Variants in NMNAT3 observed in about 807,000 individuals in gnomAD.
NMNAT3 encodes the protein nicotinamide nucleotide adenylyltransferase 3.
A neutral mutation model predicts 24.8 loss-of-function variants in NMNAT3; 21 were observed. The ratio of observed to expected loss-of-function variants is 0.85; its 90% CI spans 0.60 to 1.22. NMNAT3 has a LOEUF of 1.22. Ranked by LOEUF, NMNAT3 falls within the 50% of genes most tolerant of loss-of-function variation. NMNAT3 has a pLI of 0.00. For synonymous variants in NMNAT3, 136 were observed against 155.2 expected (o/e 0.88, Z 0.92); for missense variants, 387 against 436.6 (o/e 0.89, Z 1.01).
intron 1 of NMNAT3, among the ~76,000 whole-genome samples, chr3:139,676,817 C>G (rs2057943415): frequency 6.6e-6 from 1 of 152,170 alleles, no homozygotes; most frequent in Non-Finnish European, 1.5e-5. Flanking sequence ...AAACAGGACT[C>G]AAGGAGAGGG....
Position 139,560,874 on chromosome 3 carries a change from C to T in NMNAT3, c.*136G>A, listed in dbSNP as rs142603638. 4.5e-3 allele frequency: 3,863 copies of T among 857,474 alleles called. 20 individuals are homozygous for T. The highest frequency in any genetic ancestry group is 0.014 in the African/African-American group (816 of 59,514). The allele number at this position is 857,474 out of a possible 1,614,324, so 53.1% of individuals were successfully genotyped here. A position where few individuals can be genotyped will look rare whatever the true frequency, so the allele number is the denominator to read the frequency against. On this transcript the variant is annotated 3_prime_UTR_variant, in exon 7 of 7. Transcript: ENST00000643695. Reference sequence around the variant, plus strand: ...TATCTCTTCCTGGGACAGAAGACTCCTCAGAAGTAGAATCACTGTAGAAAT... The same window carrying T: ...TATCTCTTCCTGGGACAGAAGACTCTTCAGAAGTAGAATCACTGTAGAAAT...
intron 1 of NMNAT3, among the ~76,000 whole-genome samples, chr3:139,676,847 G>A (rs1263956089): frequency 6.6e-6 from 1 of 152,200 alleles, no homozygotes; most frequent in Non-Finnish European, 1.5e-5. Context: ...TTGCTGAGAG[G>A]CAGGCACACT....
chr3:139,650,135 C>G (rs2057008369), intron 1 of NMNAT3, among the ~76,000 whole-genome samples: 1 of 152,184 alleles, frequency 6.6e-6, no homozygotes, highest in African/African-American at 2.4e-5. Context: ...AGCGATGGCT[C>G]TTACTGCAAT....
intron 4 of NMNAT3, among the ~76,000 whole-genome samples, chr3:139,579,457 A>G (rs953263812): frequency 1.3e-5 from 2 of 152,200 alleles, no homozygotes; most frequent in Non-Finnish European, 2.9e-5. Context: ...TGAAAATTAT[A>G]TATAGTTTCT....
chr3:139,617,503 G>A (rs2055562853), intron 3 of NMNAT3, among the ~76,000 whole-genome samples: 1 of 152,182 alleles, frequency 6.6e-6, no homozygotes, highest in South Asian at 2.1e-4. Context: ...TACCCACCTG[G>A]TAGGGCTGTT....
intron 3 of NMNAT3, among the ~76,000 whole-genome samples, chr3:139,615,474 CCCAT>C (rs1464327824): frequency 1.1e-5 from 1 of 91,384 alleles, no homozygotes. Context: ...CATCCACCCA[CCCAT>C]CCATCCATTT....
At chr3:139,660,140 C>A (rs2057369063) in intron 1 of NMNAT3, among the ~76,000 whole-genome samples, 1 of 152,172 alleles carries the variant, frequency 6.6e-6, no homozygotes, top group South Asian at 2.1e-4. Flanking sequence ...GGTCCAGCTC[C>A]TGGGAAGCCC....
chr3:139,633,328 G>A (rs115814956), intron 2 of NMNAT3, among the ~76,000 whole-genome samples: 148 of 152,116 alleles, frequency 9.7e-4, no homozygotes, highest in African/African-American at 3.0e-3. Context: ...TTACAGGCAC[G>A]TCCCACTGTG....
intron 3 of NMNAT3, among the ~76,000 whole-genome samples, chr3:139,583,818 G>C (rs1358755338): frequency 6.6e-6 from 1 of 152,234 alleles, no homozygotes; most frequent in Non-Finnish European, 1.5e-5. Context: ...ACAGCTCCAC[G>C]CGTCTCCAGC....
At chr3:139,603,651 G>A (rs1301133261) in intron 3 of NMNAT3, among the ~76,000 whole-genome samples, 7 of 151,796 alleles carry the variant, frequency 4.6e-5, no homozygotes, top group Non-Finnish European at 1.0e-4. Context: ...CGGTCACTAT[G>A]ACCAACACCA....
intron 3 of NMNAT3, among the ~76,000 whole-genome samples, chr3:139,612,789 T>C (rs1576645593): frequency 2.6e-5 from 4 of 152,080 alleles, no homozygotes; most frequent in Admixed American, 2.0e-4. Flanking sequence ...AACAGAGATA[T>C]AGACCAATGG....
chr3:139,615,907 G>C (rs1299162682), intron 3 of NMNAT3, among the ~76,000 whole-genome samples: 2 of 152,088 alleles, frequency 1.3e-5, no homozygotes, highest in Non-Finnish European at 2.9e-5. Flanking sequence ...CTCCCTTCTG[G>C]ACAGGGCATG....
intron 1 of NMNAT3, among the ~76,000 whole-genome samples, chr3:139,653,833 C>T (rs927579903): frequency 1.3e-5 from 2 of 152,184 alleles, no homozygotes; most frequent in Non-Finnish European, 2.9e-5. Context: ...CGTTGTAACT[C>T]GAACCTGGGG....
chr3:139,596,949 TA>T (rs1559891154), intron 3 of NMNAT3, among the ~76,000 whole-genome samples: 1,940 of 116,622 alleles, frequency 0.017, 103 homozygotes, highest in African/African-American at 0.074. Flanking sequence ...TATATATATA[TA>T]TATATATATA....
intron 3 of NMNAT3, among the ~76,000 whole-genome samples, chr3:139,617,178 C>T (rs529743435): frequency 9.2e-5 from 14 of 152,222 alleles, no homozygotes; most frequent in African/African-American, 1.4e-4. Flanking sequence ...GCACTGGGAG[C>T]GTCCCCCTGA....
rs528252195 is a variant in NMNAT3, at chr3:139,589,612, G to T, written c.110-6404C>A. The stretch of plus-strand genomic sequence containing the variant: ...TACCAATCAATTAGAACAGGTGTCA[G>T]CAGGCTTTTTCCATTATTGGACAGA... On this transcript the variant is annotated intron_variant, in intron 3 of 6. Transcript: ENST00000643695. 2.0e-5 allele frequency among the ~76,000 whole-genome samples: 3 copies of T among 152,334 alleles called. No homozygotes were observed. The South Asian group carries it at 6.2e-4, about 32-fold the overall frequency.
At chr3:139,607,522 CAT>C (rs2055000665) in intron 3 of NMNAT3, among the ~76,000 whole-genome samples, 1 of 152,162 alleles carries the variant, frequency 6.6e-6, no homozygotes, top group African/African-American at 2.4e-5. Flanking sequence ...TGCTGCTTTC[CAT>C]ATTACTGAGG....
Position 139,582,990 on chromosome 3 carries a change from T to A in NMNAT3, c.328A>T (p.Ile110Phe). The change falls in exon 4 of 7, where the codon ATT becomes TTT. Residue 110 changes from isoleucine to phenylalanine, a missense_variant. Coordinates refer to ENST00000643695, the MANE Select transcript of NMNAT3 (RefSeq NM_001320510.2). Reference sequence around the variant, plus strand: ...TTCCAGGTGCTATCTATAAATATAATTTTTTTCAGTGTTGTGCCTTTGCAC... The same window carrying A: ...TTCCAGGTGCTATCTATAAATATAAATTTTTTCAGTGTTGTGCCTTTGCAC... 1 of 1,584,254 alleles carries A rather than the reference T, an allele frequency of 6.3e-7. No homozygotes were observed. Among genetic ancestry groups the A allele is most frequent in the Non-Finnish European group, 8.6e-7 (1 of 1,168,322 alleles).
At chr3:139,658,560 AT>A (rs2057317057) in intron 1 of NMNAT3, among the ~76,000 whole-genome samples, 2 of 152,362 alleles carry the variant, frequency 1.3e-5, no homozygotes, top group South Asian at 4.1e-4. Context: ...AGTCAAAAGA[AT>A]TTTAAAGTGA....
Sources: gnomAD v4.1 joint callset for allele counts (sites outside exome capture counted in the v4.1 genomes callset) on GRCh38, gnomAD v4.1.1 for gene constraint, MANE v1.5 for transcripts, NCBI Gene and HGNC (gene_info 2026-07-23, HGNC 2026-07-21) for gene names.